TIAM1: variants seen among roughly 807,000 people sequenced by gnomAD.
TIAM1 encodes the protein rho guanine nucleotide exchange factor TIAM1.
Under a neutral mutation model 163.5 loss-of-function variants are expected in TIAM1, and 65 were observed. The ratio of observed to expected loss-of-function variants is 0.40; its 90% CI spans 0.33 to 0.49. The LOEUF is 0.49. Among genes scored for constraint, TIAM1 ranks in the 20% least tolerant of loss-of-function variants. The pLI is 0.77. For missense variants in TIAM1, 1,789 were observed against 2,044.7 expected, an observed-to-expected ratio of 0.87 and a Z score of 2.41; for synonymous variants, 833 against 810.1, an observed-to-expected ratio of 1.03 and a Z score of -0.48.
intron 2 of TIAM1, among the ~76,000 whole-genome samples, chr21:31,279,902 A>T (rs1179590103): frequency 1.3e-5 from 2 of 152,230 alleles, no homozygotes; most frequent in Non-Finnish European, 2.9e-5. Context: ...AAATTGAATG[A>T]CATCAGTCAC....
At chr21:31,553,959 A>G (rs1291758421) in intron 1 of TIAM1, among the ~76,000 whole-genome samples, 1 of 152,064 alleles carries the variant, frequency 6.6e-6, no homozygotes, top group Admixed American at 6.6e-5. Context: ...TCTGGGGCTC[A>G]TTATTACCCC....
Position 31,125,219 on chromosome 21 carries a change from G to GT in TIAM1, c.4134-526dup, listed in dbSNP as rs2082148446. ...ATCTTCCCAAGTCCTAATTCTCATG[G>GT]TTAAAAAAAAAAAAAAAAAGTGCTT... On this transcript the variant is annotated intron_variant, in intron 26 of 27. Coordinates refer to ENST00000541036, the MANE Select transcript of TIAM1 (RefSeq NM_001353694.2). Among the ~76,000 whole-genome samples the GT allele has an allele frequency of 7.7e-5, 11 of 143,326 alleles. No individual in the cohort carries two copies. The South Asian group carries it at 2.4e-3, about 32-fold the overall frequency. 94.0% of individuals were successfully genotyped at this position (143,326 alleles called of 152,430 possible).
At chr21:31,212,420 AT>A (rs559257599) in intron 10 of TIAM1, among the ~76,000 whole-genome samples, 173 of 152,066 alleles carry the variant, frequency 1.1e-3, no homozygotes, top group Non-Finnish European at 1.5e-3. Flanking sequence ...ACCATCCCCC[AT>A]CCCCCACACA....
chr21:31,308,367 C>A, intron 2 of TIAM1, among the ~76,000 whole-genome samples: 1 of 151,848 alleles, frequency 6.6e-6, no homozygotes. Flanking sequence ...TCTAACTCAT[C>A]CTTGGGAGGA....
At chr21:31,499,817 TCCAG>T (rs2046789555) in intron 1 of TIAM1, among the ~76,000 whole-genome samples, 1 of 147,886 alleles carries the variant, frequency 6.8e-6, no homozygotes, top group Non-Finnish European at 1.5e-5. Flanking sequence ...GCTACTGCAC[TCCAG>T]CCTGGGCAAC....
chr21:31,406,960 C>A (rs1036481380), intron 2 of TIAM1, among the ~76,000 whole-genome samples: 1 of 152,162 alleles, frequency 6.6e-6, no homozygotes, highest in Non-Finnish European at 1.5e-5. Context: ...CATTCTCCTC[C>A]CTTCTTGTCC....
chr21:31,534,174 C>T (rs1057069507), intron 1 of TIAM1, among the ~76,000 whole-genome samples: 3 of 152,230 alleles, frequency 2.0e-5, no homozygotes, highest in African/African-American at 7.2e-5. Context: ...CCACGCTAGG[C>T]GCTGACACTA....
chr21:31,472,894 A>G (rs916414403), intron 1 of TIAM1, among the ~76,000 whole-genome samples: 1 of 152,218 alleles, frequency 6.6e-6, no homozygotes, highest in Non-Finnish European at 1.5e-5. Context: ...TGTCCTCTGC[A>G]GGTATTTTCA....
intron 1 of TIAM1, among the ~76,000 whole-genome samples, chr21:31,476,070 G>A (rs569511813): frequency 9.9e-5 from 15 of 152,170 alleles, no homozygotes; most frequent in Non-Finnish European, 1.9e-4. Context: ...ATTTCTGTTG[G>A]AAAAGCACTT....
At chr21:31,377,436 C>A (rs573167517) in intron 2 of TIAM1, among the ~76,000 whole-genome samples, 18 of 152,022 alleles carry the variant, frequency 1.2e-4, no homozygotes, top group Non-Finnish European at 2.5e-4. Flanking sequence ...AAACACTGAC[C>A]ATGGAGCTGG....
At chr21:31,451,698 T>TCTAGGAGAAACTCAGTACCAGACA (rs140594128) in intron 2 of TIAM1, among the ~76,000 whole-genome samples, 12 of 149,836 alleles carry the variant, frequency 8.0e-5, no homozygotes, top group African/African-American at 3.0e-4. Context: ...GGCACCAGGC[T>TCTAGGAGAAACTCAGTACCAGACA]GAGTGAAAGC....
intron 22 of TIAM1, among the ~76,000 whole-genome samples, chr21:31,136,794 C>T (rs1050597153): frequency 8.5e-5 from 13 of 152,246 alleles, no homozygotes; most frequent in African/African-American, 2.9e-4. Flanking sequence ...CCCCAGATAA[C>T]TGCAGACATT....
intron 2 of TIAM1, among the ~76,000 whole-genome samples, chr21:31,439,300 GT>G (rs777868603): frequency 1.7e-4 from 26 of 152,266 alleles, no homozygotes; most frequent in Non-Finnish European, 3.5e-4. Flanking sequence ...TTGTTCGTCT[GT>G]TTGTTTGAGA....
intron 1 of TIAM1, among the ~76,000 whole-genome samples, chr21:31,482,851 T>C (rs1405444648): frequency 6.6e-6 from 1 of 152,200 alleles, no homozygotes; most frequent in African/African-American, 2.4e-5. Flanking sequence ...AGGACTGTGC[T>C]AATCATGAGA....
intron 1 of TIAM1, among the ~76,000 whole-genome samples, chr21:31,516,676 A>G (rs968769993): frequency 6.6e-6 from 1 of 151,978 alleles, no homozygotes; most frequent in African/African-American, 2.4e-5. Context: ...TACCCTAAAA[A>G]AAAAAAAAAG....
At chr21:31,412,488 T>C (rs1345535427) in intron 2 of TIAM1, among the ~76,000 whole-genome samples, 2 of 151,810 alleles carry the variant, frequency 1.3e-5, no homozygotes, top group Admixed American at 6.6e-5. Context: ...TAGATTCTTA[T>C]AAGGTGCACG....
intron 2 of TIAM1, among the ~76,000 whole-genome samples, chr21:31,323,585 C>CT (rs1233829234): frequency 6.6e-6 from 1 of 151,900 alleles, no homozygotes; most frequent in African/African-American, 2.4e-5. Flanking sequence ...AACCCCAGCA[C>CT]TTTGGGAGGC....
Position 31,124,695 on chromosome 21 carries a change from C to T in TIAM1, c.4134-1G>A. ...GAAATCCTTTCGGCTCTCTGGGGAG[C>T]TAGGAAAAGAAGATTTACAGATGTT... On this transcript the variant is annotated splice_acceptor_variant, in intron 26 of 27. Coordinates refer to ENST00000541036, the MANE Select transcript of TIAM1 (RefSeq NM_001353694.2). LOFTEE classifies it high-confidence loss of function. The T allele has an allele frequency of 6.4e-7, 1 of 1,561,820 alleles. No individual in the cohort carries two copies. Among genetic ancestry groups the T allele is most frequent in the Admixed American group, 1.9e-5 (1 of 53,116 alleles).
chr21:31,237,940 G>T (rs760163679), intron 6 of TIAM1, among the ~76,000 whole-genome samples: 2 of 152,202 alleles, frequency 1.3e-5, no homozygotes, highest in South Asian at 2.1e-4. Flanking sequence ...TTGAAGGAAA[G>T]AACTTAAATT....
Sources: allele counts gnomAD v4.1 joint callset (sites outside exome capture counted in the v4.1 genomes callset), GRCh38; gene constraint gnomAD v4.1.1; transcripts MANE v1.5; gene names NCBI Gene and HGNC (gene_info 2026-07-23, HGNC 2026-07-21).